The following AREG variants were observed in gnomAD, a reference collection of about 807,000 sequenced individuals.
AREG encodes amphiregulin, also known as amphiregulin B.
Under a neutral mutation model 28.0 loss-of-function variants are expected in AREG, and 16 were observed. That is an observed-to-expected ratio of 0.57 (90% CI 0.39 to 0.87). The LOEUF is 0.87. Ranked by LOEUF, AREG falls within the 40% of genes least tolerant of loss-of-function variation. AREG has a pLI of 0.00. For missense variants in AREG, 287 were observed against 309.1 expected, an observed-to-expected ratio of 0.93 and a Z score of 0.53; for synonymous variants, 113 against 113.5, an observed-to-expected ratio of 1.00 and a Z score of 0.02.
chr4:74,451,902 A>C (rs1487120058), intron 4 of AREG, among the ~76,000 whole-genome samples: 1 of 152,136 alleles, frequency 6.6e-6, no homozygotes, highest in Non-Finnish European at 1.5e-5. Context: ...AAACCTAAGC[A>C]AAAGTTGCTG....
intron 1 of AREG, among the ~76,000 whole-genome samples, chr4:74,445,959 T>C (rs1367837828): frequency 6.6e-6 from 1 of 152,232 alleles, no homozygotes; most frequent in Non-Finnish European, 1.5e-5. Context: ...GTAATAATAA[T>C]AATGATAATG....
intron 4 of AREG, among the ~76,000 whole-genome samples, chr4:74,451,474 AG>A (rs1719381393): frequency 1.3e-5 from 2 of 152,212 alleles, no homozygotes; most frequent in Non-Finnish European, 2.9e-5. Flanking sequence ...TCAGGAAACA[AG>A]GGGTTATCTT....
At position 74,446,675 on chromosome 4, in the gene AREG, A is replaced by G; in HGVS notation, c.203A>G (p.Glu68Gly). The G allele has an allele frequency of 1.2e-6, 2 of 1,613,956 alleles. No individual in the cohort carries two copies. The highest frequency in any genetic ancestry group is 1.7e-6 in the Non-Finnish European group (2 of 1,179,866). Residue 68 changes from glutamate to glycine, a missense_variant, in exon 2 of 6, where the codon GAA becomes GGA. Glu to Gly is a moderately conservative substitution (Grantham distance 98). Coordinates refer to ENST00000395748, the MANE Select transcript of AREG (RefSeq NM_001657.4). The stretch of plus-strand genomic sequence containing the variant: ...GGGAGTGAGATTTCCCCTGTGAGTG[A>G]AATGCCTTCTAGTAGTGAACCGTCC... ...SSGSEISPVSEMPSSSEPSSG... is the reference protein window; with the variant it reads ...SSGSEISPVSGMPSSSEPSSG...
chr4:74,446,540 A>T lies in AREG; in HGVS notation c.68A>T (p.Tyr23Phe). 1 of 1,613,926 alleles carries T rather than the reference A, an allele frequency of 6.2e-7. No individual in the cohort carries two copies. Among genetic ancestry groups the T allele is most frequent in the South Asian group, 1.1e-5 (1 of 91,078 alleles). ...TTTATTCCCTCCCCTGCAGGCCATT[A>T]TGCTGCTGGATTGGACCTCAATGAC... ...LSLLILGSGH[Y>F]AAGLDLNDTY... Residue 23 changes from tyrosine to phenylalanine, a missense_variant, in exon 2 of 6, where the codon TAT becomes TTT. Coordinates refer to ENST00000395748, the MANE Select transcript of AREG (RefSeq NM_001657.4).
intron 2 of AREG, 141 bp from the exon 3 acceptor site, chr4:74,448,906 A>T: frequency 8.3e-7 from 1 of 1,211,472 alleles, no homozygotes; most frequent in Non-Finnish European, 1.1e-6. Context: ...AGTCCTCTCT[A>T]ACTTTTATAT....
intron 2 of AREG, 115 bp from the exon 3 acceptor site, chr4:74,448,932 G>C: frequency 7.1e-7 from 1 of 1,413,680 alleles, no homozygotes; most frequent in Non-Finnish European, 9.7e-7. Flanking sequence ...TAGGTAATGA[G>C]GCACGCATGG....
At chr4:74,449,966 A>C (rs1438340044) in intron 3 of AREG, among the ~76,000 whole-genome samples, 1 of 149,494 alleles carries the variant, frequency 6.7e-6, no homozygotes, top group Non-Finnish European at 1.5e-5. Context: ...GTGTGTGTGT[A>C]TGCATTTTTT....
intron 5 of AREG, among the ~76,000 whole-genome samples, chr4:74,453,549 C>G (rs1217899036): frequency 2.0e-5 from 3 of 152,090 alleles, no homozygotes; most frequent in Non-Finnish European, 4.4e-5. Context: ...AACTTTATTT[C>G]CTTAAACATT....
At chr4:74,446,933 C>A in intron 2 of AREG, 151 bp downstream of exon 2, 1 of 1,515,990 alleles carries the variant, frequency 6.6e-7, no homozygotes, top group Non-Finnish European at 9.0e-7. Context: ...CAAAAAGAAC[C>A]ATAATGTGGG....
rs1330993065 is a variant in AREG, at chr4:74,450,418, A to C, written c.551A>C (p.Lys184Thr). The change falls in exon 4 of 6, where the codon AAG (lysine) becomes ACG (threonine). Residue 184 changes from lysine (K) to threonine (T), a missense_variant. Coordinates refer to ENST00000395748, the MANE Select transcript of AREG (RefSeq NM_001657.4). ...TATTTCGGTGAACGGTGTGGGGAAA[A>C]GTCCATGAAAACTCACAGCATGATT... ...QEYFGERCGE[K>T]SMKTHSMIDS... The C allele has an allele frequency of 6.2e-7, 1 of 1,613,830 alleles. No homozygotes were observed. The highest frequency in any genetic ancestry group is 1.3e-5 in the African/African-American group (1 of 74,922).
At chr4:74,449,665 T>C (rs1291822259) in intron 3 of AREG, among the ~76,000 whole-genome samples, 1 of 152,032 alleles carries the variant, frequency 6.6e-6, no homozygotes, top group Non-Finnish European at 1.5e-5. Flanking sequence ...GTAGCAGAAT[T>C]AATTGCTTGA....
intron 1 of AREG, among the ~76,000 whole-genome samples, chr4:74,445,744 C>G (rs1245459132): frequency 6.6e-6 from 1 of 152,196 alleles, no homozygotes; most frequent in Middle Eastern, 3.2e-3. Flanking sequence ...TTGGACCCAG[C>G]AGTGTTTGCT....
chr4:74,448,807 C>G (rs1199592755), intron 2 of AREG: 5 of 477,278 alleles, frequency 1.0e-5, no homozygotes, highest in Non-Finnish European at 1.8e-5. Context: ...TTTCCACCTG[C>G]AAGTAGTACT....
intron 4 of AREG, among the ~76,000 whole-genome samples, chr4:74,450,750 T>C (rs1052495579): frequency 1.2e-3 from 186 of 152,308 alleles, no homozygotes; most frequent in Non-Finnish European, 2.3e-3. Context: ...AGCCCTTTTA[T>C]AGAAGATCTA....
intron 2 of AREG, among the ~76,000 whole-genome samples, chr4:74,448,316 T>G (rs1719325249): frequency 6.6e-6 from 1 of 152,240 alleles, no homozygotes; most frequent in South Asian, 2.1e-4. Flanking sequence ...GTTATTATAA[T>G]AAACTGCTAA....
At chr4:74,449,526 C>T (rs1691264) in intron 3 of AREG, among the ~76,000 whole-genome samples, 63,550 of 152,048 alleles carry the variant, frequency 0.42, 13,530 homozygotes, top group Middle Eastern at 0.48. Context: ...TGGGCAGATC[C>T]CTTGAGCCCA....
Position 74,446,455 on chromosome 4 carries a change from AC to A in AREG, c.62-78del, listed in dbSNP as rs1719288183. ...TAACTGCTTTGATGTCAAAAGATAA[AC>A]TTTTCTACCTAACACAGCTGACTCG... On this transcript the variant is annotated intron_variant, in intron 1 of 5. Coordinates refer to ENST00000395748, the MANE Select transcript of AREG (RefSeq NM_001657.4). The A allele has an allele frequency of 1.3e-5, 21 of 1,611,560 alleles. No homozygotes were observed. In the South Asian group the frequency reaches 2.3e-4, roughly 18 times the overall value.
intron 4 of AREG, among the ~76,000 whole-genome samples, chr4:74,450,975 T>C (rs1560614861): frequency 6.6e-6 from 1 of 152,312 alleles, no homozygotes; most frequent in Non-Finnish European, 1.5e-5. Context: ...TCATCAGCAG[T>C]AAAGAATAGA....
In AREG at chr4:74,445,139, C is replaced by A; in HGVS notation, c.-207C>A. ...CGGCAGGTGCGCGCCGCCCTACAGA[C>A]GTTCGCACACCTGGGTGCCAGCGCC... On this transcript the variant is annotated 5_prime_UTR_variant, in exon 1 of 6. Coordinates refer to ENST00000395748, the MANE Select transcript of AREG (RefSeq NM_001657.4). 2.7e-6 allele frequency: 3 copies of A among 1,130,162 alleles called. No homozygotes were observed. The highest frequency in any genetic ancestry group is 3.7e-6 in the Non-Finnish European group (3 of 821,040). The allele number at this position is 1,130,162 out of a possible 1,614,324, so 70.0% of individuals were successfully genotyped here. A position where few individuals can be genotyped will look rare whatever the true frequency, so the allele number is the denominator to read the frequency against.
Sources: gnomAD v4.1 joint callset for allele counts (sites outside exome capture counted in the v4.1 genomes callset) on GRCh38, gnomAD v4.1.1 for gene constraint, MANE v1.5 for transcripts, NCBI Gene and HGNC (gene_info 2026-07-23, HGNC 2026-07-21) for gene names.